The following TENM2 variants were observed in gnomAD, a reference collection of about 807,000 sequenced individuals.
TENM2 encodes the protein teneurin transmembrane protein 2, also known as teneurin-2.
TENM2 carries 52 observed loss-of-function variants against 245.2 expected under a neutral mutation model. The observed-to-expected ratio is 0.21, with a 90% CI of 0.17 to 0.27. TENM2 has a LOEUF of 0.27. TENM2 is among the 10% of genes least tolerant of loss of function. The pLI is 1.00. For missense variants in TENM2, 3,046 were observed against 3,666.8 expected (o/e 0.83, Z 4.37); for synonymous variants, 1,363 against 1,438.9 (o/e 0.95, Z 1.19).
At chr5:167,275,774 T>C in the TENM2 span, among the ~76,000 whole-genome samples, 1 of 152,192 alleles carries the variant, frequency 6.6e-6, no homozygotes, top group African/African-American at 2.4e-5. Flanking sequence ...CCTTGAGATT[T>C]TTCTGCAGAT....
At chr5:167,857,001 G>A (rs1771153498) in intron 2 of TENM2, among the ~76,000 whole-genome samples, 1 of 152,200 alleles carries the variant, frequency 6.6e-6, no homozygotes, top group South Asian at 2.1e-4. Flanking sequence ...TTTGGGATAT[G>A]GAAAGATTAA....
At chr5:167,561,553 G>A (rs935747129) in intron 2 of TENM2, among the ~76,000 whole-genome samples, 3 of 152,122 alleles carry the variant, frequency 2.0e-5, no homozygotes, top group African/African-American at 7.2e-5. Flanking sequence ...CCTTACAGCT[G>A]GTAGAAAGAT....
At chr5:167,059,971 G>A in the TENM2 span, among the ~76,000 whole-genome samples, 1 of 151,922 alleles carries the variant, frequency 6.6e-6, no homozygotes, top group African/African-American at 2.4e-5. Flanking sequence ...CCAAAGTGCT[G>A]GGATTATGGG....
intron 2 of TENM2, among the ~76,000 whole-genome samples, chr5:167,539,647 A>G (rs1001614830): frequency 7.9e-5 from 12 of 152,194 alleles, no homozygotes; most frequent in Non-Finnish European, 1.3e-4. Context: ...GATCAAGCAT[A>G]AAAGTGATTT....
chr5:168,249,384 A>G (rs564524012), intron 27 of TENM2, among the ~76,000 whole-genome samples: 8 of 152,184 alleles, frequency 5.3e-5, no homozygotes, highest in Admixed American at 2.6e-4. Flanking sequence ...ATCAAAACGC[A>G]TTTATAAAGT....
chr5:167,112,093 G>A, the TENM2 span, among the ~76,000 whole-genome samples: 8 of 152,166 alleles, frequency 5.3e-5, no homozygotes, highest in Admixed American at 2.6e-4. Context: ...CAGTGAACTT[G>A]CAGGGCAAAG....
intron 9 of TENM2, among the ~76,000 whole-genome samples, chr5:168,098,857 A>G (rs963499917): frequency 2.6e-5 from 4 of 152,192 alleles, no homozygotes; most frequent in Non-Finnish European, 1.5e-5. Context: ...AGGAAATTGA[A>G]ACAAAACTCA....
the TENM2 span, among the ~76,000 whole-genome samples, chr5:167,108,866 G>A: frequency 2.0e-5 from 3 of 151,994 alleles, no homozygotes; most frequent in East Asian, 3.9e-4. Context: ...AAAATAACTC[G>A]AAAAAATTTA....
At chr5:167,025,628 TG>T in the TENM2 span, among the ~76,000 whole-genome samples, 2 of 152,150 alleles carry the variant, frequency 1.3e-5, no homozygotes, top group African/African-American at 2.4e-5. Context: ...CACAGAATGC[TG>T]GGTAAAAAAA....
exon 8 of TENM2, chr5:168,090,688 C>G: frequency 6.2e-7 from 1 of 1,613,922 alleles, no homozygotes; most frequent in Non-Finnish European, 8.5e-7. Flanking sequence ...TGTGCAGTAC[C>G]TGGATGTGGG....
the TENM2 span, among the ~76,000 whole-genome samples, chr5:167,171,731 G>A: frequency 6.6e-6 from 1 of 152,158 alleles, no homozygotes; most frequent in East Asian, 1.9e-4. Flanking sequence ...GAGAGGGAGA[G>A]GAAGATCAAC....
At chr5:167,263,315 A>C in the TENM2 span, among the ~76,000 whole-genome samples, 1 of 151,772 alleles carries the variant, frequency 6.6e-6, no homozygotes, top group Non-Finnish European at 1.5e-5. Context: ...CGGAGGAGTA[A>C]AGAGAAAGTA....
chr5:167,165,659 A>G, the TENM2 span, among the ~76,000 whole-genome samples: 3 of 152,182 alleles, frequency 2.0e-5, no homozygotes, highest in Non-Finnish European at 2.9e-5. Context: ...CTAAGGTATA[A>G]TAAGATCAAG....
intron 6 of TENM2, 134 bp downstream of exon 8, chr5:168,047,683 C>G (rs1206093040): frequency 6.4e-6 from 7 of 1,099,792 alleles, no homozygotes; most frequent in Non-Finnish European, 7.7e-6. Flanking sequence ...AAAATCATTG[C>G]CTTTCATAGG....
At chr5:168,262,087 C>A (rs1022396286) in exon 29 of TENM2, 1 of 1,614,036 alleles carries the variant, frequency 6.2e-7, no homozygotes, top group Admixed American at 1.7e-5. Flanking sequence ...AGAGACATAA[C>A]CAGGCCTTCA....
chr5:167,803,008 T>G (rs750106326), intron 2 of TENM2, among the ~76,000 whole-genome samples: 1 of 152,152 alleles, frequency 6.6e-6, no homozygotes, highest in Non-Finnish European at 1.5e-5. Flanking sequence ...TTCAGGTAGA[T>G]ACCAGCAGAG....
rs550237524 is a variant in TENM2 at position 167,497,979 on chromosome 5, C to A, written c.502+122506C>A. On this transcript the variant is annotated intron_variant, in intron 2 of 28. Coordinates refer to ENST00000518659, the Ensembl canonical transcript of TENM2. ...CACCTCTAATCAAAACTATTTTTCA[C>A]ATCATTGGATCCTAATCGCCTCAGA... is the stretch of plus-strand genomic sequence containing the variant. Among the ~76,000 whole-genome samples, 6 of 152,210 alleles carry A rather than the reference C, an allele frequency of 3.9e-5. No homozygotes were observed. In the East Asian group the frequency reaches 1.2e-3, roughly 29 times the overall value.
intron 2 of TENM2, among the ~76,000 whole-genome samples, chr5:167,763,817 T>C (rs764141866): frequency 4.2e-4 from 64 of 152,342 alleles, no homozygotes; most frequent in Non-Finnish European, 6.0e-4. Context: ...CTCCAACTTG[T>C]TGAGCTTGAC....
At chr5:168,139,963 T>C (rs1033425302) in intron 12 of TENM2, among the ~76,000 whole-genome samples, 1 of 152,214 alleles carries the variant, frequency 6.6e-6, no homozygotes, top group Admixed American at 6.5e-5. Context: ...GTGCAGGCCA[T>C]TCAAACAAGA....
Sources: gnomAD v4.1 joint callset for allele counts (sites outside exome capture counted in the v4.1 genomes callset) on GRCh38, gnomAD v4.1.1 for gene constraint, MANE v1.5 for transcripts, NCBI Gene and HGNC (gene_info 2026-07-23, HGNC 2026-07-21) for gene names.